The following USP54 variants were observed in gnomAD, a reference collection of about 807,000 sequenced individuals.
USP54 encodes the protein ubiquitin carboxyl-terminal hydrolase 54.
USP54 carries 87 observed loss-of-function variants against 170.5 expected under a neutral mutation model. The ratio of observed to expected loss-of-function variants is 0.51; its 90% CI spans 0.43 to 0.61. The LOEUF (loss-of-function observed/expected upper bound fraction) is 0.61. Among genes scored for constraint, USP54 ranks in the 20% least tolerant of loss-of-function variants. The pLI is 0.00. For synonymous variants in USP54, 655 were observed against 742.8 expected, an observed-to-expected ratio of 0.88 and a Z score of 1.92; for missense variants, 1,786 against 2,047.8, an observed-to-expected ratio of 0.87 and a Z score of 2.47.
At chr10:73,613,256 G>A (rs376179011) in intron 1 of USP54, among the ~76,000 whole-genome samples, 2 of 150,328 alleles carry the variant, frequency 1.3e-5, no homozygotes, top group South Asian at 2.1e-4. Flanking sequence ...CTCAGCATCC[G>A]GAGTAGCTGG....
At chr10:73,541,201 G>A (rs1381975700) in intron 9 of USP54, among the ~76,000 whole-genome samples, 174 bp downstream of exon 9, 1 of 152,176 alleles carries the variant, frequency 6.6e-6, no homozygotes, top group African/African-American at 2.4e-5. Flanking sequence ...TATAAAAGGA[G>A]GTATATGAGC....
At chr10:73,506,665 AAAAT>A (rs2059183433) in intron 20 of USP54, 1 of 152,132 alleles carries the variant, frequency 6.6e-6, no homozygotes, top group South Asian at 2.1e-4. Context: ...GGAACTTTTA[AAAAT>A]ATAGCTTCCT....
chr10:73,614,846 G>A lies in USP54; in HGVS notation c.-18+10721C>T, dbSNP rs1047137444. ...TTTGGGATGGAGAGAGCCTACTTAA[G>A]CAAGCCTCAAAACCCAGAAACCATT... is the stretch of plus-strand genomic sequence containing the variant. On this transcript the variant is annotated intron_variant, in intron 1 of 22. Coordinates refer to the USP54 transcript ENST00000339859. 6.7e-5 allele frequency among the ~76,000 whole-genome samples: 10 copies of A among 150,206 alleles called. 1 individual carries two copies. Among genetic ancestry groups the A allele is most frequent in the Admixed American group, 6.6e-5 (1 of 15,176 alleles).
intron 1 of USP54, among the ~76,000 whole-genome samples, chr10:73,613,103 G>A (rs1223577950): frequency 5.2e-4 from 79 of 151,070 alleles, no homozygotes; most frequent in African/African-American, 1.9e-3. Flanking sequence ...GCTGTAGTGA[G>A]TGGTGACCGT....
intron 1 of USP54, among the ~76,000 whole-genome samples, chr10:73,596,558 CA>C (rs1333923692): frequency 4.3e-5 from 6 of 139,174 alleles, no homozygotes; most frequent in Admixed American, 7.2e-5. Context: ...GACTCTGTCT[CA>C]AAAAAAAAAT....
intron 1 of USP54, among the ~76,000 whole-genome samples, chr10:73,580,450 A>C (rs1329769368): frequency 6.6e-6 from 1 of 152,112 alleles, no homozygotes; most frequent in Non-Finnish European, 1.5e-5. Context: ...CGCATATACA[A>C]TGGTAGTCCC....
chr10:73,515,179 C>T (rs549651817), intron 20 of USP54, among the ~76,000 whole-genome samples: 1 of 152,120 alleles, frequency 6.6e-6, no homozygotes, highest in Non-Finnish European at 1.5e-5. Context: ...TGCAAGGAAC[C>T]TGCACCATTA....
chr10:73,599,186 G>A (rs907384934), intron 1 of USP54, among the ~76,000 whole-genome samples: 1 of 152,164 alleles, frequency 6.6e-6, no homozygotes. Context: ...ACAGTTATTC[G>A]ATGTCTGACA....
At chr10:73,547,222 T>C (rs12260018) in intron 4 of USP54, among the ~76,000 whole-genome samples, 1 of 152,032 alleles carries the variant, frequency 6.6e-6, no homozygotes, top group Admixed American at 6.6e-5. Flanking sequence ...GGCAACATGG[T>C]GAAACCCCGT....
chr10:73,508,046 C>G (rs2059489607), intron 20 of USP54, among the ~76,000 whole-genome samples: 2 of 152,092 alleles, frequency 1.3e-5, no homozygotes, highest in South Asian at 4.1e-4. Flanking sequence ...TTCCTCTAAT[C>G]AAGCCAAATG....
chr10:73,569,086 T>C (rs2074458029), intron 4 of USP54, among the ~76,000 whole-genome samples: 1 of 152,210 alleles, frequency 6.6e-6, no homozygotes, highest in African/African-American at 2.4e-5. Context: ...CATCCCTTCT[T>C]GGTACAGACA....
chr10:73,608,425 T>C (rs1013673476), intron 1 of USP54, among the ~76,000 whole-genome samples: 3 of 152,150 alleles, frequency 2.0e-5, no homozygotes, highest in African/African-American at 7.2e-5. Flanking sequence ...AATTTTACAA[T>C]CACTATCTTT....
chr10:73,539,730 TTTAGA>T (rs2066163780), intron 9 of USP54, 137 bp from the exon 10 acceptor site: 1 of 988,924 alleles, frequency 1.0e-6, no homozygotes, highest in African/African-American at 1.6e-5. Flanking sequence ...TTTTTGTTAG[TTTAGA>T]TTAATCATCA....
intron 1 of USP54, among the ~76,000 whole-genome samples, chr10:73,586,516 G>A (rs1331891810): frequency 6.6e-6 from 1 of 152,178 alleles, no homozygotes; most frequent in African/African-American, 2.4e-5. Flanking sequence ...CACAGAGGTT[G>A]AATATAATAG....
intron 4 of USP54, among the ~76,000 whole-genome samples, chr10:73,566,005 C>T (rs2073696809): frequency 6.6e-6 from 1 of 151,908 alleles, no homozygotes. Context: ...CCAAGGAGGG[C>T]AGATCACCTG....
upstream of USP54, among the ~76,000 whole-genome samples, chr10:73,593,247 C>T (rs890712542): frequency 2.0e-5 from 3 of 151,004 alleles, no homozygotes; most frequent in Non-Finnish European, 4.4e-5. Flanking sequence ...TGTGGTGGCA[C>T]GCACCTCTCT....
chr10:73,614,730 C>T (rs1429581087), intron 1 of USP54, among the ~76,000 whole-genome samples: 4 of 149,854 alleles, frequency 2.7e-5, no homozygotes, highest in Non-Finnish European at 5.9e-5. Flanking sequence ...AAAAGAGTAC[C>T]TCCAAAAACA....
intron 1 of USP54, among the ~76,000 whole-genome samples, chr10:73,586,461 G>A (rs2077496005): frequency 6.6e-6 from 1 of 152,088 alleles, no homozygotes; most frequent in South Asian, 2.1e-4. Context: ...CAGTTATTTG[G>A]GTACGTGGAC....
chr10:73,556,274 C>T (rs2070976489), intron 4 of USP54, among the ~76,000 whole-genome samples: 1 of 151,938 alleles, frequency 6.6e-6, no homozygotes, highest in Admixed American at 6.6e-5. Flanking sequence ...CAATGAAGAA[C>T]CTTCCATTTC....
Sources: allele counts gnomAD v4.1 joint callset (sites outside exome capture counted in the v4.1 genomes callset), GRCh38; gene constraint gnomAD v4.1.1; transcripts MANE v1.5; gene names NCBI Gene and HGNC (gene_info 2026-07-23, HGNC 2026-07-21).